ESCO1: variants seen among roughly 807,000 people sequenced by gnomAD.
The protein encoded by ESCO1 is N-acetyltransferase ESCO1.
In ESCO1, 33 loss-of-function variants were observed where a neutral mutation model predicts 83.5. The observed-to-expected ratio is 0.40, with a 90% CI of 0.30 to 0.53. The LOEUF (loss-of-function observed/expected upper bound fraction) is 0.53. ESCO1 is among the 20% of genes least tolerant of loss of function. The pLI is 0.63. For missense variants in ESCO1, 855 were observed against 968.0 expected, an observed-to-expected ratio of 0.88 and a Z score of 1.55; for synonymous variants, 332 against 324.3, an observed-to-expected ratio of 1.02 and a Z score of -0.25.
At chr18:21,564,989 T>C (rs2038239883) in intron 6 of ESCO1, among the ~76,000 whole-genome samples, 1 of 152,080 alleles carries the variant, frequency 6.6e-6, no homozygotes, top group Non-Finnish European at 1.5e-5. Context: ...GGCAGGAGAA[T>C]TGCTTGAACC....
In ESCO1 at chr18:21,573,880, T is replaced by C; in HGVS notation, c.964A>G (p.Lys322Glu). 1.2e-6 allele frequency: 2 copies of C among 1,614,102 alleles called. No individual in the cohort carries two copies. Among genetic ancestry groups the C allele is most frequent in the East Asian group, 2.2e-5 (1 of 44,868 alleles). Residue 322 changes from lysine to glutamate, a missense_variant, in exon 4 of 12, where the codon AAA (lysine) becomes GAA (glutamate). Transcript: ENST00000269214. ...CTTTCCATTTGTGAAGATTCCTTTT[T>C]TACCTCTACATTATCTGACTCAATT... ...GEIESDNVEV[K>E]KESSQMESVK...
At chr18:21,581,501 C>T (rs1444884802) in intron 2 of ESCO1, among the ~76,000 whole-genome samples, 2 of 151,680 alleles carry the variant, frequency 1.3e-5, no homozygotes, top group East Asian at 1.9e-4. Flanking sequence ...ATGCCAGATA[C>T]TTGTGAGGCT....
At position 21,574,622 on chromosome 18, in the gene ESCO1, T is replaced by G. The variant is rs1378171779; in HGVS notation, c.222A>C (p.Ala74=). 2.5e-6 allele frequency: 4 copies of G among 1,613,942 alleles called. No individual in the cohort carries two copies. The highest frequency in any genetic ancestry group is 3.4e-6 in the Non-Finnish European group (4 of 1,180,010). ...TGGATTTAGTAGCTTTATCATTAGATGCTGCCTTTGATGACCTTGTACTCA... is the reference window on the plus strand; with the variant it reads ...TGGATTTAGTAGCTTTATCATTAGAGGCTGCCTTTGATGACCTTGTACTCA... ...TRMSTRSSKA[A]SNDKATKSIN... The change falls in exon 4 of 12, where the codon GCA becomes GCC. Residue 74 remains alanine, a synonymous_variant. Transcript: ENST00000269214.
At chr18:21,580,664 T>A (rs904041575) in intron 2 of ESCO1, among the ~76,000 whole-genome samples, 1 of 152,144 alleles carries the variant, frequency 6.6e-6, no homozygotes. Context: ...AATATAAGTA[T>A]AAATAAGTTA....
At position 21,542,307 on chromosome 18, in the gene ESCO1, C is replaced by T. The variant is rs968514052; in HGVS notation, c.1954-2298G>A. On this transcript the variant is annotated intron_variant, in intron 8 of 11. Coordinates refer to ENST00000269214, the MANE Select transcript of ESCO1 (RefSeq NM_052911.3). ...GCTCAAGCAATCCTCTTGCTTCAGC[C>T]TCCCAAGTAGCTGGGACTACAGGCG... is the stretch of plus-strand genomic sequence containing the variant. 2.6e-5 allele frequency among the ~76,000 whole-genome samples: 4 copies of T among 152,106 alleles called. No individual in the cohort carries two copies. The East Asian group carries it at 7.7e-4, about 29-fold the overall frequency.
In ESCO1 at chr18:21,574,914, G is replaced by T; in HGVS notation, c.-71C>A. ...TTGTGTCCTGGTAGGCGTGAATGCT[G>T]ACTAGCTAGTATTATTACTGAGGAG... is the stretch of plus-strand genomic sequence containing the variant. On this transcript the variant is annotated 5_prime_UTR_variant, in exon 4 of 12. Transcript: ENST00000269214. 1 of 1,177,442 alleles carries T rather than the reference G, an allele frequency of 8.5e-7. No individual in the cohort carries two copies. Among genetic ancestry groups the T allele is most frequent in the Non-Finnish European group, 1.2e-6 (1 of 854,972 alleles). 72.9% of individuals were successfully genotyped at this position (1,177,442 alleles called of 1,614,324 possible).
intron 6 of ESCO1, 141 bp from the exon 7 acceptor site, chr18:21,564,458 T>G (rs2038232066): frequency 1.8e-6 from 1 of 554,670 alleles, no homozygotes; most frequent in Non-Finnish European, 3.1e-6. Context: ...TGGCGCAATC[T>G]TGGCTCACTG....
At chr18:21,595,705 T>C (rs1237154562) in intron 1 of ESCO1, among the ~76,000 whole-genome samples, 2 of 149,424 alleles carry the variant, frequency 1.3e-5, no homozygotes, top group African/African-American at 4.9e-5. Flanking sequence ...GGCTCACGCC[T>C]GTAATCCCAG....
chr18:21,600,037 C>CG (rs1170309395), intron 1 of ESCO1, among the ~76,000 whole-genome samples: 1 of 152,232 alleles, frequency 6.6e-6, no homozygotes, highest in Non-Finnish European at 1.5e-5. Context: ...ACTCTATGAC[C>CG]TTGGGCCCGC....
At chr18:21,559,796 T>C (rs771319740) in intron 8 of ESCO1, among the ~76,000 whole-genome samples, 15 of 152,212 alleles carry the variant, frequency 9.9e-5, no homozygotes, top group Non-Finnish European at 1.8e-4. Flanking sequence ...ACGCACCTTA[T>C]ATTTGGTGAA....
intron 4 of ESCO1, among the ~76,000 whole-genome samples, chr18:21,570,080 A>G (rs1296067803): frequency 6.6e-6 from 1 of 152,126 alleles, no homozygotes; most frequent in Non-Finnish European, 1.5e-5. Flanking sequence ...AAATAATTGG[A>G]AACAATCTGA....
Position 21,600,246 on chromosome 18 carries a change from C to T in ESCO1, c.-825+377G>A, listed in dbSNP as rs549318901. On this transcript the variant is annotated intron_variant, in intron 1 of 11. Transcript: ENST00000269214. ...ACCTGCGGGACCAGCACTGGCGCTG[C>T]CCCGGTGCTAGCAATGGCTGCGCGC... is the stretch of plus-strand genomic sequence containing the variant. 2.0e-5 allele frequency among the ~76,000 whole-genome samples: 3 copies of T among 152,352 alleles called. 1 individual carries two copies. In the South Asian group the frequency reaches 6.2e-4, roughly 32 times the overall value.
chr18:21,582,467 G>A (rs1169031799), intron 2 of ESCO1, among the ~76,000 whole-genome samples: 2 of 152,230 alleles, frequency 1.3e-5, no homozygotes, highest in African/African-American at 2.4e-5. Flanking sequence ...CTGGCCTCAG[G>A]TGATATGCCC....
chr18:21,550,054 C>T (rs759078669), intron 8 of ESCO1, among the ~76,000 whole-genome samples: 1 of 151,570 alleles, frequency 6.6e-6, no homozygotes, highest in Non-Finnish European at 1.5e-5. Context: ...TTTTTAAAGA[C>T]ACTGAAAAGG....
intron 1 of ESCO1, among the ~76,000 whole-genome samples, chr18:21,589,201 T>C (rs1225219900): frequency 6.7e-6 from 1 of 150,002 alleles, no homozygotes; most frequent in Non-Finnish European, 1.5e-5. Context: ...ATTGCACCAC[T>C]GCACTCCAGC....
At chr18:21,561,862 C>A (rs1488755816) in intron 7 of ESCO1, among the ~76,000 whole-genome samples, 1 of 151,668 alleles carries the variant, frequency 6.6e-6, no homozygotes, top group Non-Finnish European at 1.5e-5. Context: ...GCCACTGCAC[C>A]CAGGTAGACT....
intron 2 of ESCO1, among the ~76,000 whole-genome samples, chr18:21,578,635 A>G (rs1010588262): frequency 2.0e-5 from 3 of 152,168 alleles, no homozygotes; most frequent in Admixed American, 1.3e-4. Context: ...CAGGAGGATC[A>G]CTTGAAGCCA....
intron 2 of ESCO1, among the ~76,000 whole-genome samples, chr18:21,582,356 A>G (rs1211565431): frequency 6.6e-6 from 1 of 151,722 alleles, no homozygotes; most frequent in Non-Finnish European, 1.5e-5. Flanking sequence ...CAGCCTCCCG[A>G]GTAGCTAGGA....
intron 8 of ESCO1, among the ~76,000 whole-genome samples, chr18:21,543,096 A>G (rs951317616): frequency 9.2e-5 from 14 of 152,244 alleles, no homozygotes; most frequent in African/African-American, 3.4e-4. Flanking sequence ...CTGCTTCATG[A>G]AAAGCAGAAA....
Sources: gnomAD v4.1 joint callset for allele counts (sites outside exome capture counted in the v4.1 genomes callset) on GRCh38, gnomAD v4.1.1 for gene constraint, MANE v1.5 for transcripts, NCBI Gene and HGNC (gene_info 2026-07-23, HGNC 2026-07-21) for gene names.